Variants in PLD5 observed in about 807,000 individuals in gnomAD.
PLD5 encodes the protein phospholipase D family member 5.
Under a neutral mutation model 61.1 loss-of-function variants are expected in PLD5, and 36 were observed. The observed-to-expected ratio is 0.59, with a 90% confidence interval of 0.45 to 0.78. PLD5 has a LOEUF of 0.78. Among genes scored for constraint, PLD5 ranks in the 30% least tolerant of loss-of-function variants. PLD5 has a pLI of 0.00. For synonymous variants in PLD5, 243 were observed against 242.8 expected, an observed-to-expected ratio of 1.00 and a Z score of -0.01; for missense variants, 515 against 644.4, an observed-to-expected ratio of 0.80 and a Z score of 2.17.
At chr1:242,196,766 C>A (rs1668659729) in intron 5 of PLD5, among the ~76,000 whole-genome samples, 1 of 152,188 alleles carries the variant, frequency 6.6e-6, no homozygotes, top group Non-Finnish European at 1.5e-5. Context: ...TTTGCCCTAA[C>A]TCTGCTCCCT....
chr1:242,178,838 G>A (rs1044722426), intron 5 of PLD5, among the ~76,000 whole-genome samples: 5 of 152,162 alleles, frequency 3.3e-5, no homozygotes, highest in East Asian at 1.9e-4. Flanking sequence ...TCAGGAAAAT[G>A]GCTGGCTTTG....
Position 242,510,237 on chromosome 1 carries a change from AG to A in PLD5, c.189+13850del, listed in dbSNP as rs201396038. The stretch of plus-strand genomic sequence containing the variant: ...CACATACACACACACACACAAAAAA[AG>A]GTCGGAAAATAATGCCAAATGGGGA... On this transcript the variant is annotated intron_variant, in intron 1 of 9. Transcript: ENST00000536534. 5.6e-3 allele frequency among the ~76,000 whole-genome samples: 857 copies of A among 152,252 alleles called. 11 individuals are homozygous for A. The highest frequency in any genetic ancestry group is 0.019 in the African/African-American group (798 of 41,544).
chr1:242,475,380 G>A (rs1418477173), intron 1 of PLD5, among the ~76,000 whole-genome samples: 5 of 128,798 alleles, frequency 3.9e-5, no homozygotes, highest in African/African-American at 9.1e-5. Flanking sequence ...CCGAGATTGC[G>A]CCACTGCACT....
intron 3 of PLD5, among the ~76,000 whole-genome samples, chr1:242,285,445 C>A (rs1285527789): frequency 6.6e-6 from 1 of 152,102 alleles, no homozygotes; most frequent in African/African-American, 2.4e-5. Flanking sequence ...TTGCAGTGAG[C>A]CAAGATCACA....
intron 2 of PLD5, among the ~76,000 whole-genome samples, chr1:242,332,033 C>T (rs1232838176): frequency 6.6e-6 from 1 of 152,112 alleles, no homozygotes; most frequent in Non-Finnish European, 1.5e-5. Context: ...ATATCCCTCC[C>T]CTAGCCTCCC....
intron 5 of PLD5, among the ~76,000 whole-genome samples, chr1:242,172,757 C>T (rs1666842476): frequency 6.6e-6 from 1 of 152,122 alleles, no homozygotes; most frequent in Non-Finnish European, 1.5e-5. Context: ...CACCTCTACG[C>T]ATATAGACCA....
chr1:242,321,597 G>A (rs1356268765), intron 2 of PLD5, among the ~76,000 whole-genome samples: 9 of 151,980 alleles, frequency 5.9e-5, no homozygotes, highest in South Asian at 4.2e-4. Context: ...CAGCCACCAC[G>A]CCCGGCCCCA....
intron 1 of PLD5, among the ~76,000 whole-genome samples, chr1:242,389,155 A>T (rs368491335): frequency 6.6e-6 from 1 of 152,080 alleles, no homozygotes; most frequent in East Asian, 1.9e-4. Flanking sequence ...GAAGTAAGAA[A>T]TTCTGTGAAA....
rs541624071 is a variant in PLD5 at position 242,145,712 on chromosome 1, G to A, written c.736-21047C>T. On this transcript the variant is annotated intron_variant, in intron 5 of 9. Coordinates refer to ENST00000536534, the MANE Select transcript of PLD5 (RefSeq NM_001372062.1). ...GTCCACTTTTCTGTCTCGCCCTGTT[G>A]CCCAGGTTGGAGTACAGTGGCATGA... Among the ~76,000 whole-genome samples, 335 of 152,196 alleles carry A rather than the reference G, an allele frequency of 2.2e-3. 5 individuals are homozygous for A. The highest frequency in any genetic ancestry group is 1.6e-3 in the African/African-American group (68 of 41,532).
intron 5 of PLD5, among the ~76,000 whole-genome samples, chr1:242,146,503 G>A (rs923240830): frequency 2.0e-5 from 3 of 152,068 alleles, no homozygotes; most frequent in Non-Finnish European, 4.4e-5. Flanking sequence ...TTATAAGAGA[G>A]ATGGCTTCAA....
chr1:242,197,730 G>T (rs972321923), intron 5 of PLD5, among the ~76,000 whole-genome samples: 10 of 151,600 alleles, frequency 6.6e-5, no homozygotes, highest in African/African-American at 2.4e-4. Flanking sequence ...CGCCTCTCGG[G>T]TTCAAGCAAT....
At chr1:242,508,919 A>G (rs1367569034) in intron 1 of PLD5, among the ~76,000 whole-genome samples, 1 of 152,140 alleles carries the variant, frequency 6.6e-6, no homozygotes, top group East Asian at 1.9e-4. Context: ...CATCTCTACT[A>G]AAAACACAAA....
rs1292144164 is a variant in PLD5, at chr1:242,207,806, A to T, written c.735+12182T>A. Among the ~76,000 whole-genome samples, 7 of 78,652 alleles carry T rather than the reference A, an allele frequency of 8.9e-5. 1 individual carries two copies. In the South Asian group the frequency reaches 2.8e-3, roughly 31 times the overall value. 51.6% of individuals were successfully genotyped at this position (78,652 alleles called of 152,430 possible). A position where few individuals can be genotyped will look rare whatever the true frequency, so the allele number is the denominator to read the frequency against. Reference sequence around the variant, plus strand: ...TATTTATATTTATATATATTTATATATATTTATATTTATATATTTATATAT... The same window carrying T: ...TATTTATATTTATATATATTTATATTTATTTATATTTATATATTTATATAT... On this transcript the variant is annotated intron_variant, in intron 5 of 9. Transcript: ENST00000536534.
chr1:242,438,665 G>A (rs1294277291), intron 1 of PLD5, among the ~76,000 whole-genome samples: 4 of 151,936 alleles, frequency 2.6e-5, no homozygotes, highest in South Asian at 4.1e-4. Context: ...GGTTGGTCTC[G>A]AACTCCTGAC....
chr1:242,136,549 GA>G (rs1663746852), intron 5 of PLD5, among the ~76,000 whole-genome samples: 1 of 152,060 alleles, frequency 6.6e-6, no homozygotes, highest in South Asian at 2.1e-4. Context: ...CAACCGAGAT[GA>G]ACTGAATCCT....
At chr1:242,493,347 G>A (rs756890724) in intron 1 of PLD5, among the ~76,000 whole-genome samples, 37 of 152,134 alleles carry the variant, frequency 2.4e-4, no homozygotes, top group South Asian at 4.1e-4. Flanking sequence ...GCCACGCAGC[G>A]AATGTCTGAA....
rs562602814 is a variant in PLD5 at position 242,127,105 on chromosome 1, A to G, written c.736-2440T>C. Among the ~76,000 whole-genome samples the G allele has an allele frequency of 1.6e-4, 24 of 152,324 alleles. No individual in the cohort carries two copies. The East Asian group carries it at 3.7e-3, about 23-fold the overall frequency. Reference sequence around the variant, plus strand: ...ATGCAAACCAAAGCCACAATGTGATACCACCTTACTCCTGCAAGAATGGCT... The same window carrying G: ...ATGCAAACCAAAGCCACAATGTGATGCCACCTTACTCCTGCAAGAATGGCT... On this transcript the variant is annotated intron_variant, in intron 5 of 9. Transcript: ENST00000536534.
chr1:242,449,996 G>C (rs1666717396), intron 1 of PLD5, among the ~76,000 whole-genome samples: 1 of 152,218 alleles, frequency 6.6e-6, no homozygotes, highest in African/African-American at 2.4e-5. Context: ...TCAAGGCAGT[G>C]TAAGGTGCAC....
intron 1 of PLD5, among the ~76,000 whole-genome samples, chr1:242,454,585 A>G (rs1001527036): frequency 3.9e-5 from 6 of 152,210 alleles, no homozygotes; most frequent in African/African-American, 1.4e-4. Context: ...AGGGGAAAAC[A>G]TATTTCATCT....
Sources: gnomAD v4.1 joint callset for allele counts (sites outside exome capture counted in the v4.1 genomes callset) on GRCh38, gnomAD v4.1.1 for gene constraint, MANE v1.5 for transcripts, NCBI Gene and HGNC (gene_info 2026-07-23, HGNC 2026-07-21) for gene names.